Variants in PAFAH1B2 observed in about 807,000 individuals in gnomAD.
The protein encoded by PAFAH1B2 is platelet-activating factor acetylhydrolase IB subunit alpha2.
In PAFAH1B2, 8 loss-of-function variants were observed where a neutral mutation model predicts 28.0. The observed-to-expected ratio is 0.29, with a 90% CI of 0.17 to 0.52. PAFAH1B2 has a LOEUF of 0.52. Among genes scored for constraint, PAFAH1B2 ranks in the 20% least tolerant of loss-of-function variants. The pLI is 0.97. For synonymous variants in PAFAH1B2, 104 were observed against 103.2 expected, an observed-to-expected ratio of 1.01 and a Z score of -0.05; for missense variants, 190 against 282.6, an observed-to-expected ratio of 0.67 and a Z score of 2.35.
At chr11:117,145,867 A>G (rs1299585152) in intron 1 of PAFAH1B2, among the ~76,000 whole-genome samples, 1 of 152,196 alleles carries the variant, frequency 6.6e-6, no homozygotes, top group African/African-American at 2.4e-5. Context: ...TTGTTGTTGG[A>G]CGTGGTTTCT....
chr11:117,153,807 T>C (rs1256484288), intron 2 of PAFAH1B2, among the ~76,000 whole-genome samples: 1 of 152,190 alleles, frequency 6.6e-6, no homozygotes, highest in Non-Finnish European at 1.5e-5. Context: ...CAAGGACTTT[T>C]CTTAAATAAC....
Position 117,169,275 on chromosome 11 carries a change from T to C in PAFAH1B2, c.*1576T>C, listed in dbSNP as rs1956590750. 1.9e-6 allele frequency: 2 copies of C among 1,039,924 alleles called. No homozygotes were observed. Among genetic ancestry groups the C allele is most frequent in the Non-Finnish European group, 2.3e-6 (2 of 863,374 alleles). 64.4% of individuals were successfully genotyped at this position (1,039,924 alleles called of 1,614,324 possible). ...TCTGAGAATTTGTTGATCTTAATGT[T>C]CGAGCTATATAAGAACTGCCATTAA... On this transcript the variant is annotated 3_prime_UTR_variant, in exon 6 of 6. Coordinates refer to ENST00000527958, the MANE Select transcript of PAFAH1B2 (RefSeq NM_002572.4).
At position 117,163,832 on chromosome 11, in the gene PAFAH1B2, G is replaced by T. The variant is rs576369941; in HGVS notation, c.351G>T (p.Gly117=). Residue 117 remains glycine (G), a synonymous_variant, in exon 5 of 6, where the codon GGG becomes GGT. Transcript: ENST00000527958. ...HENTAEEVAG[G]IEAIVQLINT... ...ATACAGCAGAAGAAGTAGCAGGTGG[G>T]ATCGAGGCCATTGTACAACTTATCA... 2.3e-5 allele frequency: 37 copies of T among 1,614,042 alleles called. No individual in the cohort carries two copies. The African/African-American group carries it at 3.6e-4, about 16-fold the overall frequency.
At chr11:117,167,052 T>C (rs1219972076) in intron 5 of PAFAH1B2, among the ~76,000 whole-genome samples, 4 of 152,202 alleles carry the variant, frequency 2.6e-5, no homozygotes, top group Non-Finnish European at 5.9e-5. Flanking sequence ...AGGAAGAGCA[T>C]AGTTTAATGA....
At chr11:117,171,157 CT>C, downstream of PAFAH1B2, 1 of 724,640 alleles carries the variant, frequency 1.4e-6, no homozygotes, top group Non-Finnish European at 1.7e-6. Context: ...GATCCTGCTT[CT>C]TTACTGTGGA....
rs1392111813 is a variant in PAFAH1B2, at chr11:117,163,787, A to G, written c.306A>G (p.Val102=). The change falls in exon 5 of 6, where the codon GTA becomes GTG. Residue 102 remains valine, a synonymous_variant. Coordinates refer to ENST00000527958, the MANE Select transcript of PAFAH1B2 (RefSeq NM_002572.4). ...AATTGCAGGTCATTGTTGTCTGGGT[A>G]GGAACAAATAACCACGAAAATACAG... ...NIKPKVIVVW[V]GTNNHENTAE... is the part of the protein sequence containing the mutation. The G allele has an allele frequency of 1.9e-6, 3 of 1,613,766 alleles. No individual in the cohort carries two copies. The highest frequency in any genetic ancestry group is 3.3e-4 in the Middle Eastern group (2 of 6,062).
chr11:117,158,801 C>G (rs911927954), intron 2 of PAFAH1B2, among the ~76,000 whole-genome samples: 3 of 152,042 alleles, frequency 2.0e-5, no homozygotes, highest in African/African-American at 7.2e-5. Flanking sequence ...CCCGCCACCA[C>G]ACCTGGCTAA....
At chr11:117,144,559 G>A (rs149188200) in intron 1 of PAFAH1B2, 141 bp downstream of exon 1, 23 of 175,678 alleles carry the variant, frequency 1.3e-4, no homozygotes, top group African/African-American at 2.1e-4. Context: ...CATCCACTTG[G>A]GGGGGGCCTC....
In PAFAH1B2 at chr11:117,157,918, A is replaced by G. The variant is rs550566636; in HGVS notation, c.82-2016A>G. On this transcript the variant is annotated intron_variant, in intron 2 of 5. Coordinates refer to ENST00000527958, the MANE Select transcript of PAFAH1B2 (RefSeq NM_002572.4). ...TTTTGGAGGCTGAGGCGGGTGGATC[A>G]CCTGAGGTCAGGAGTTCGAGACCAG... 5.3e-5 allele frequency among the ~76,000 whole-genome samples: 8 copies of G among 152,164 alleles called. No homozygotes were observed. In the South Asian group the frequency reaches 6.2e-4, roughly 12 times the overall value.
intron 2 of PAFAH1B2, among the ~76,000 whole-genome samples, chr11:117,155,147 G>A (rs1050737642): frequency 4.6e-5 from 7 of 151,976 alleles, no homozygotes; most frequent in Non-Finnish European, 7.4e-5. Flanking sequence ...TAGAGACGAG[G>A]TTTCCCCGTG....
downstream of PAFAH1B2, chr11:117,171,496 A>C (rs977717308): frequency 2.5e-5 from 14 of 567,346 alleles, no homozygotes; most frequent in Non-Finnish European, 6.3e-6. Context: ...AGATTGCGCC[A>C]TTGCACTCCA....
downstream of PAFAH1B2, chr11:117,171,758 T>G (rs1347686065): frequency 1.6e-5 from 24 of 1,533,800 alleles, no homozygotes; most frequent in Admixed American, 3.9e-5. Flanking sequence ...TGAGTTGGTA[T>G]GCCGGTATGA....
chr11:117,144,481 A>G, intron 1 of PAFAH1B2, 63 bp downstream of exon 1: 1 of 241,706 alleles, frequency 4.1e-6, no homozygotes, highest in Non-Finnish European at 9.2e-6. Flanking sequence ...AGGGGCTGCG[A>G]GGTGTTATTG....
chr11:117,174,020 ACTAAAATCT>A (rs1373621917), downstream of PAFAH1B2, among the ~76,000 whole-genome samples: 1 of 151,910 alleles, frequency 6.6e-6, no homozygotes, highest in African/African-American at 2.4e-5. Context: ...ATTACATGAT[ACTAAAATCT>A]GTTTTGATTC....
intron 4 of PAFAH1B2, 97 bp from the exon 5 acceptor site, chr11:117,163,672 CA>C (rs3057863): frequency 0.027 from 28,463 of 1,052,938 alleles, no homozygotes; most frequent in East Asian, 0.11. Flanking sequence ...GACCCCATCT[CA>C]AAAAAAAAAA....
At chr11:117,154,674 C>T (rs1956223344) in intron 2 of PAFAH1B2, among the ~76,000 whole-genome samples, 1 of 152,140 alleles carries the variant, frequency 6.6e-6, no homozygotes, top group African/African-American at 2.4e-5. Context: ...GAACTCTCGG[C>T]CTCAAGTGAT....
intron 5 of PAFAH1B2, among the ~76,000 whole-genome samples, chr11:117,166,521 T>C (rs540269003): frequency 7.4e-4 from 113 of 152,332 alleles, no homozygotes; most frequent in African/African-American, 2.5e-3. Flanking sequence ...ACATTACAAT[T>C]ATGAGGGCTG....
chr11:117,156,262 G>C (rs1956252393), intron 2 of PAFAH1B2, among the ~76,000 whole-genome samples: 1 of 152,204 alleles, frequency 6.6e-6, no homozygotes, highest in Non-Finnish European at 1.5e-5. Flanking sequence ...GTTCTAGTAT[G>C]ATGTTAAGTG....
At chr11:117,148,506 G>A (rs1000431307) in intron 1 of PAFAH1B2, among the ~76,000 whole-genome samples, 3 of 152,166 alleles carry the variant, frequency 2.0e-5, no homozygotes, top group Admixed American at 2.0e-4. Context: ...TGAGCATCAT[G>A]TTTATTTAAA....
Sources: allele counts gnomAD v4.1 joint callset (sites outside exome capture counted in the v4.1 genomes callset), GRCh38; gene constraint gnomAD v4.1.1; transcripts MANE v1.5; gene names NCBI Gene and HGNC (gene_info 2026-07-23, HGNC 2026-07-21).